The following SLC39A8 variants were observed in gnomAD, a reference collection of about 807,000 sequenced individuals.
SLC39A8 encodes solute carrier family 39 member 8, also known as metal cation symporter ZIP8.
Under a neutral mutation model 40.4 loss-of-function variants are expected in SLC39A8, and 15 were observed. The observed-to-expected ratio is 0.37, with a 90% CI of 0.25 to 0.57. SLC39A8 has a LOEUF of 0.57. Among genes scored for constraint, SLC39A8 ranks in the 20% least tolerant of loss-of-function variants. The pLI, the probability that SLC39A8 is intolerant of heterozygous loss-of-function variation, is 0.75. For synonymous variants in SLC39A8, 223 were observed against 221.6 expected (o/e 1.01, Z -0.06); for missense variants, 472 against 558.8 (o/e 0.84, Z 1.57).
Position 102,307,498 on chromosome 4 carries a change from A to T in SLC39A8, c.490T>A (p.Phe164Ile). The T allele has an allele frequency of 6.2e-7, 1 of 1,613,586 alleles. No individual in the cohort carries two copies. The highest frequency in any genetic ancestry group is 8.5e-7 in the Non-Finnish European group (1 of 1,179,658). Residue 164 changes from phenylalanine to isoleucine, a missense_variant, in exon 4 of 9, where the codon TTT (phenylalanine) becomes ATT (isoleucine). By Grantham distance (21) the Phe-to-Ile change is conservative. Around this residue, in one of 4 missense-constraint regions of SLC39A8, gnomAD observed 239 missense variants for 317.9 expected, o/e 0.75. Transcript: ENST00000356736. The stretch of plus-strand genomic sequence containing the variant: ...GTCCCAATAGCCAGCCCCACAAAAA[A>T]GGTCAAAATCTTTGGGAAATAAGAT... Reference protein sequence around the residue: ...KKSYFPKILTFFVGLAIGTLF... With the variant: ...KKSYFPKILTIFVGLAIGTLF...
intron 6 of SLC39A8, among the ~76,000 whole-genome samples, chr4:102,284,550 A>G (rs1279269791): frequency 6.6e-6 from 1 of 152,206 alleles, no homozygotes; most frequent in African/African-American, 2.4e-5. Flanking sequence ...GCTTTAATAT[A>G]GCATCACTGA....
Position 102,344,435 on chromosome 4 carries a change from C to A in SLC39A8, c.219+9G>T, listed in dbSNP as rs1035862099. 4 of 1,508,712 alleles carry A rather than the reference C, an allele frequency of 2.7e-6. No homozygotes were observed. The highest frequency in any genetic ancestry group is 2.7e-6 in the Non-Finnish European group (3 of 1,127,440). The allele number at this position is 1,508,712 out of a possible 1,614,324, so 93.5% of individuals were successfully genotyped here. A position where few individuals can be genotyped will look rare whatever the true frequency, so the allele number is the denominator to read the frequency against. The stretch of plus-strand genomic sequence containing the variant: ...AGTACGGAGGGCTGCCCGGACCTGG[C>A]GGCCTTACCTGGTTGAAGTGCAGCT... On this transcript the variant is annotated intron_variant, in intron 2 of 8. Transcript: ENST00000356736.
At chr4:102,289,389 G>T (rs745404399) in intron 6 of SLC39A8, among the ~76,000 whole-genome samples, 1 of 152,096 alleles carries the variant, frequency 6.6e-6, no homozygotes, top group Non-Finnish European at 1.5e-5. Flanking sequence ...GATGAATGTC[G>T]TTTTCATGCC....
chr4:102,276,228 T>C (rs1732610185), intron 6 of SLC39A8, among the ~76,000 whole-genome samples: 1 of 151,884 alleles, frequency 6.6e-6, no homozygotes, highest in Non-Finnish European at 1.5e-5. Context: ...GCAAAATAGG[T>C]AGACTGCTAG....
At chr4:102,319,930 G>A (rs1198580590) in intron 2 of SLC39A8, among the ~76,000 whole-genome samples, 1 of 151,782 alleles carries the variant, frequency 6.6e-6, no homozygotes, top group East Asian at 1.9e-4. Flanking sequence ...AAAGGCAGAG[G>A]AAGGAATTTG....
chr4:102,297,425 T>C (rs1219170998), intron 6 of SLC39A8, among the ~76,000 whole-genome samples: 2 of 152,130 alleles, frequency 1.3e-5, no homozygotes, highest in Non-Finnish European at 2.9e-5. Flanking sequence ...CGAGTTAATA[T>C]ATGTAAAGCA....
intron 11 of SLC39A8, among the ~76,000 whole-genome samples, chr4:102,254,802 G>A (rs1297871250): frequency 1.3e-5 from 2 of 152,072 alleles, no homozygotes; most frequent in East Asian, 1.9e-4. Flanking sequence ...AAATCATATG[G>A]TTCTATACAT....
intron 2 of SLC39A8, among the ~76,000 whole-genome samples, chr4:102,323,569 A>G (rs1735055094): frequency 6.6e-6 from 1 of 152,324 alleles, no homozygotes; most frequent in Non-Finnish European, 1.5e-5. Flanking sequence ...AGCAATAGTT[A>G]TCATAAGAGT....
downstream of SLC39A8, chr4:102,259,378 G>T: frequency 2.0e-6 from 2 of 1,014,242 alleles, no homozygotes; most frequent in African/African-American, 1.6e-5. Context: ...CACAGTCACT[G>T]CAGAAGGAAT....
chr4:102,331,796 T>G (rs993185117), intron 2 of SLC39A8, among the ~76,000 whole-genome samples: 2 of 152,156 alleles, frequency 1.3e-5, no homozygotes, highest in Non-Finnish European at 2.9e-5. Context: ...AAAAACAGCA[T>G]AGTACTGGTA....
At position 102,304,432 on chromosome 4, in the gene SLC39A8, G is replaced by T. The variant is rs1477979032; in HGVS notation, c.725C>A (p.Thr242Asn). The T allele has an allele frequency of 6.2e-7, 1 of 1,611,506 alleles. No individual in the cohort carries two copies. Among genetic ancestry groups the T allele is most frequent in the South Asian group, 1.1e-5 (1 of 90,954 alleles). Residue 242 changes from threonine (T) to asparagine (N), a missense_variant, in exon 6 of 9, where the codon ACT becomes AAT. Thr to Asn is a moderately conservative substitution (Grantham distance 65). Around this residue, in one of 4 missense-constraint regions of SLC39A8, gnomAD observed 239 missense variants for 317.9 expected, o/e 0.75. Transcript: ENST00000356736. ...GGCAGGTAATGCTTTAGGTTGATGA[G>T]TTTTTTCTTGAGGACCAAAGTTATC... ...GNDNFGPQEK[T>N]HQPKALPAIN...
intron 11 of SLC39A8, among the ~76,000 whole-genome samples, chr4:102,255,284 A>G (rs542104141): frequency 1.3e-5 from 2 of 152,328 alleles, no homozygotes; most frequent in South Asian, 4.1e-4. Context: ...AAATTAGTTA[A>G]AGCCAAAAAG....
intron 2 of SLC39A8, among the ~76,000 whole-genome samples, chr4:102,317,517 G>A (rs1734716579): frequency 6.6e-6 from 1 of 152,108 alleles, no homozygotes; most frequent in African/African-American, 2.4e-5. Context: ...CTAATGGAGG[G>A]AGAAAATACC....
chr4:102,301,061 G>T, intron 6 of SLC39A8, among the ~76,000 whole-genome samples: 1 of 151,980 alleles, frequency 6.6e-6, no homozygotes. Context: ...GCCTGGTGCA[G>T]GGCTGTCACC....
chr4:102,315,587 C>A, intron 3 of SLC39A8, 81 bp downstream of exon 3: 1 of 1,217,454 alleles, frequency 8.2e-7, no homozygotes, highest in Non-Finnish European at 1.1e-6. Flanking sequence ...AGCAATAAAG[C>A]AGAAAAAGAG....
intron 6 of SLC39A8, among the ~76,000 whole-genome samples, chr4:102,275,690 C>T (rs1229355385): frequency 6.6e-6 from 1 of 152,176 alleles, no homozygotes; most frequent in African/African-American, 2.4e-5. Context: ...ACATTCTTCT[C>T]AGCACCACAT....
In SLC39A8 at chr4:102,344,521, G is replaced by A. The variant is rs1466384349; in HGVS notation, c.142C>T (p.Leu48Phe). 6.4e-7 allele frequency: 1 copy of A among 1,558,832 alleles called. No homozygotes were observed. The highest frequency in any genetic ancestry group is 1.9e-5 in the Admixed American group (1 of 52,624). Residue 48 changes from leucine (L) to phenylalanine (F), a missense_variant, in exon 2 of 9, where the codon CTC becomes TTC. Physicochemically the swap from Leu to Phe is conservative, Grantham distance 22 (BLOSUM62 0). Transcript: ENST00000356736. ...CCCATCTGCTCCAGCAAGTGCTGGA[G>A]CTGCGCCGCCGACAGGCTCAGATTC... is the stretch of plus-strand genomic sequence containing the variant. ...GANLSLSAAQLQHLLEQMGAA... is the reference protein window; with the variant it reads ...GANLSLSAAQFQHLLEQMGAA...
chr4:102,344,434 G>C lies in SLC39A8; in HGVS notation c.219+10C>G, dbSNP rs1048943149. On this transcript the variant is annotated intron_variant, in intron 2 of 8. Transcript: ENST00000356736. ...CAGTACGGAGGGCTGCCCGGACCTG[G>C]CGGCCTTACCTGGTTGAAGTGCAGC... 3 of 1,509,772 alleles carry C rather than the reference G, an allele frequency of 2.0e-6. No homozygotes were observed. The highest frequency in any genetic ancestry group is 4.4e-5 in the Admixed American group (2 of 45,230). The allele number at this position is 1,509,772 out of a possible 1,614,324, so 93.5% of individuals were successfully genotyped here. A position where few individuals can be genotyped will look rare whatever the true frequency, so the allele number is the denominator to read the frequency against.
chr4:102,275,640 G>A (rs1302504050), intron 6 of SLC39A8, among the ~76,000 whole-genome samples: 1 of 152,114 alleles, frequency 6.6e-6, no homozygotes, highest in African/African-American at 2.4e-5. Flanking sequence ...TGACCTAATA[G>A]ATATCTACAG....
Sources: gnomAD v4.1 joint callset for allele counts (sites outside exome capture counted in the v4.1 genomes callset) on GRCh38, gnomAD v4.1.1 for gene constraint, gnomAD v4.1.1 regional missense constraint, MANE v1.5 for transcripts, NCBI Gene and HGNC (gene_info 2026-07-23, HGNC 2026-07-21) for gene names.